GRIK2: variants seen among roughly 807,000 people sequenced by gnomAD.
The protein encoded by GRIK2 is glutamate ionotropic receptor kainate type subunit 2.
In GRIK2, 32 loss-of-function variants were observed where a neutral mutation model predicts 100.3. That is an observed-to-expected ratio of 0.32 (90% confidence interval 0.24 to 0.43). The LOEUF is 0.43. Ranked by LOEUF, GRIK2 falls within the 20% of genes least tolerant of loss-of-function variation. GRIK2 has a pLI of 1.00. For missense variants in GRIK2, 843 were observed against 1,114.9 expected (o/e 0.76, Z 3.47); for synonymous variants, 417 against 389.4 (o/e 1.07, Z -0.83).
At chr6:101,540,695 T>C (rs1263530610) in intron 2 of GRIK2, among the ~76,000 whole-genome samples, 1 of 152,026 alleles carries the variant, frequency 6.6e-6, no homozygotes, top group Non-Finnish European at 1.5e-5. Flanking sequence ...GTTCTAGTTA[T>C]AAGATGTTTT....
intron 10 of GRIK2, among the ~76,000 whole-genome samples, chr6:101,855,097 T>G (rs1784355762): frequency 6.6e-6 from 1 of 152,168 alleles, no homozygotes; most frequent in Admixed American, 6.6e-5. Context: ...TTTTTGAATC[T>G]GGGAGAAAAC....
rs1774654171 is a variant in GRIK2, at chr6:101,517,637, A to G, written c.116-104312A>G. Among the ~76,000 whole-genome samples, 6 of 152,292 alleles carry G rather than the reference A, an allele frequency of 3.9e-5. No homozygotes were observed. The South Asian group carries it at 1.2e-3, about 32-fold the overall frequency. ...TATACTGTACTTTAAAACAAGCAGC[A>G]TAATGTGCTTCCATCAGGCAATAGA... On this transcript the variant is annotated intron_variant, in intron 2 of 16. Coordinates refer to ENST00000369134, the MANE Select transcript of GRIK2 (RefSeq NM_021956.5).
At chr6:101,564,834 A>G (rs935124696) in intron 2 of GRIK2, among the ~76,000 whole-genome samples, 12 of 152,130 alleles carry the variant, frequency 7.9e-5, no homozygotes, top group African/African-American at 2.9e-4. Context: ...AGATTAAAGG[A>G]ACATGTGTAT....
intron 4 of GRIK2, among the ~76,000 whole-genome samples, chr6:101,676,145 A>G (rs1284307786): frequency 6.6e-6 from 1 of 152,212 alleles, no homozygotes; most frequent in African/African-American, 2.4e-5. Context: ...CTATGTGTGT[A>G]CACGTGTAAA....
intron 7 of GRIK2, among the ~76,000 whole-genome samples, chr6:101,795,208 A>G (rs562648126): frequency 7.2e-5 from 11 of 151,804 alleles, no homozygotes; most frequent in East Asian, 3.9e-4. Flanking sequence ...ATAAGGGAAA[A>G]TTTTTCCTAT....
chr6:101,546,437 A>C (rs1411198152), intron 2 of GRIK2, among the ~76,000 whole-genome samples: 2 of 152,182 alleles, frequency 1.3e-5, no homozygotes, highest in Non-Finnish European at 2.9e-5. Flanking sequence ...AAAGATCTCA[A>C]AAAGGTATTT....
At chr6:101,678,676 C>T (rs2128340808) in intron 5 of GRIK2, among the ~76,000 whole-genome samples, 1 of 152,154 alleles carries the variant, frequency 6.6e-6, no homozygotes, top group East Asian at 1.9e-4. Context: ...TCTGAGATTC[C>T]TGAACATTCA....
At position 101,509,475 on chromosome 6, in the gene GRIK2, C is replaced by T. The variant is rs184427576; in HGVS notation, c.115+110083C>T. ...TTCAAGACAGCTCTCCAATTCAACT[C>T]ATAGAAAATATCTTTTGAAACAAAA... On this transcript the variant is annotated intron_variant, in intron 2 of 16. Coordinates refer to ENST00000369134, the MANE Select transcript of GRIK2 (RefSeq NM_021956.5). Among the ~76,000 whole-genome samples, 3 of 152,294 alleles carry T rather than the reference C, an allele frequency of 2.0e-5. No individual in the cohort carries two copies. In the East Asian group the frequency reaches 5.8e-4, roughly 29 times the overall value.
chr6:101,498,379 T>A (rs1364274070), intron 2 of GRIK2, among the ~76,000 whole-genome samples: 4 of 152,086 alleles, frequency 2.6e-5, no homozygotes, highest in Admixed American at 6.6e-5. Flanking sequence ...TTGGGTATAT[T>A]CCCAGTAATG....
At chr6:101,656,306 A>G (rs1451783763) in intron 4 of GRIK2, among the ~76,000 whole-genome samples, 1 of 151,594 alleles carries the variant, frequency 6.6e-6, no homozygotes, top group Non-Finnish European at 1.5e-5. Flanking sequence ...TCCATCCAAA[A>G]AAAAAAAAAA....
chr6:101,502,782 CA>C (rs1429536652), intron 2 of GRIK2, among the ~76,000 whole-genome samples: 2 of 152,040 alleles, frequency 1.3e-5, no homozygotes, highest in Non-Finnish European at 2.9e-5. Flanking sequence ...TTTTCAATGG[CA>C]AAAAACTTAC....
intron 4 of GRIK2, among the ~76,000 whole-genome samples, chr6:101,633,696 A>T (rs1344863178): frequency 6.6e-6 from 1 of 152,146 alleles, no homozygotes. Flanking sequence ...TTTTGCTATC[A>T]AGTTAATCAT....
chr6:101,561,633 T>C (rs1777019202), intron 2 of GRIK2, among the ~76,000 whole-genome samples: 2 of 151,914 alleles, frequency 1.3e-5, no homozygotes, highest in African/African-American at 2.4e-5. Flanking sequence ...GCAACTATTA[T>C]ATATCAATAA....
intron 10 of GRIK2, among the ~76,000 whole-genome samples, chr6:101,836,661 A>ATTTTTTTTTTTTTTTTTTTTTTTT (rs1194200766): frequency 1.7e-5 from 1 of 57,808 alleles, no homozygotes. Flanking sequence ...ATATATATAT[A>ATTTTTTTTTTTTTTTTTTTTTTTT]TTTTTTTTTT....
intron 7 of GRIK2, among the ~76,000 whole-genome samples, chr6:101,785,429 C>G (rs190746379): frequency 6.6e-6 from 1 of 152,176 alleles, no homozygotes; most frequent in East Asian, 1.9e-4. Context: ...GTGTTTCCTT[C>G]TAGTAGTTTT....
At chr6:101,603,257 C>A (rs1188170354) in intron 2 of GRIK2, among the ~76,000 whole-genome samples, 2 of 151,498 alleles carry the variant, frequency 1.3e-5, no homozygotes, top group East Asian at 3.9e-4. Context: ...TGACATCAAG[C>A]CAAAGGGGAT....
chr6:102,069,846 A>C lies in GRIK2; in HGVS notation c.*1335A>C, dbSNP rs1434720817. On this transcript the variant is annotated 3_prime_UTR_variant, in exon 17 of 17. Transcript: ENST00000369134. ...AAGAAAAAAGGAATCATAGAAGAGAAATATTTTCAAGTTAGATAATATAAA... is the reference window on the plus strand; with the variant it reads ...AAGAAAAAAGGAATCATAGAAGAGACATATTTTCAAGTTAGATAATATAAA... The C allele has an allele frequency of 6.6e-6, 1 of 151,982 alleles. No homozygotes were observed. The highest frequency in any genetic ancestry group is 2.4e-5 in the African/African-American group (1 of 41,416). The allele number at this position is 151,982 out of a possible 1,614,324, so 9.4% of individuals were successfully genotyped here. A position where few individuals can be genotyped will look rare whatever the true frequency, so the allele number is the denominator to read the frequency against.
chr6:101,693,923 G>A (rs556215217), intron 7 of GRIK2, among the ~76,000 whole-genome samples: 2 of 152,034 alleles, frequency 1.3e-5, no homozygotes, highest in African/African-American at 4.8e-5. Context: ...ATGGTTTTAC[G>A]TGGATATGAC....
At chr6:101,803,888 C>G (rs989722119) in intron 9 of GRIK2, among the ~76,000 whole-genome samples, 2 of 151,844 alleles carry the variant, frequency 1.3e-5, no homozygotes, top group Non-Finnish European at 2.9e-5. Flanking sequence ...ATCTATCACA[C>G]TGATAAGCAA....
Sources: gnomAD v4.1 joint callset for allele counts (sites outside exome capture counted in the v4.1 genomes callset) on GRCh38, gnomAD v4.1.1 for gene constraint, MANE v1.5 for transcripts, NCBI Gene and HGNC (gene_info 2026-07-23, HGNC 2026-07-21) for gene names.